CCSER1: variants seen among roughly 807,000 people sequenced by gnomAD.
CCSER1 encodes the protein serine-rich coiled-coil domain-containing protein 1.
A neutral mutation model predicts 82.0 loss-of-function variants in CCSER1; 41 were observed. The ratio of observed to expected loss-of-function variants is 0.50; its 90% CI spans 0.39 to 0.65. The LOEUF (loss-of-function observed/expected upper bound fraction) is 0.65, where lower values mean the gene tolerates loss of function less well. Ranked by LOEUF, CCSER1 falls within the 30% of genes least tolerant of loss-of-function variation. The pLI, the probability that CCSER1 is intolerant of heterozygous loss-of-function variation, is 0.00. For missense variants in CCSER1, 1,119 were observed against 1,064.2 expected, an observed-to-expected ratio of 1.05 and a Z score of -0.72; for synonymous variants, 414 against 383.9, an observed-to-expected ratio of 1.08 and a Z score of -0.92.
intron 10 of CCSER1, among the ~76,000 whole-genome samples, chr4:91,279,061 T>A (rs930390597): frequency 2.6e-5 from 4 of 151,992 alleles, no homozygotes; most frequent in Non-Finnish European, 5.9e-5. Context: ...CAGGTTTATT[T>A]TTTTTTTTTT....
At chr4:91,482,874 C>T (rs1010924712) in intron 10 of CCSER1, among the ~76,000 whole-genome samples, 6 of 151,928 alleles carry the variant, frequency 3.9e-5, no homozygotes, top group Admixed American at 1.3e-4. Context: ...TGTTCTCACT[C>T]ATAGGTGGGA....
chr4:91,343,200 C>T (rs976457024), intron 10 of CCSER1, among the ~76,000 whole-genome samples: 2 of 151,956 alleles, frequency 1.3e-5, no homozygotes, highest in African/African-American at 4.8e-5. Context: ...TTCTTATCCT[C>T]TATTTTAGAA....
intron 5 of CCSER1, among the ~76,000 whole-genome samples, chr4:90,487,376 T>TAA (rs138530131): frequency 0.016 from 2,423 of 152,338 alleles, 38 homozygotes; most frequent in African/African-American, 0.047. Flanking sequence ...AGAATATATA[T>TAA]GTCACTTTGA....
At chr4:91,491,343 T>C (rs1758531526) in intron 10 of CCSER1, among the ~76,000 whole-genome samples, 1 of 152,006 alleles carries the variant, frequency 6.6e-6, no homozygotes. Flanking sequence ...TAAACCTCTG[T>C]AAAATTAATA....
At chr4:90,454,398 C>G (rs1410455965) in intron 4 of CCSER1, among the ~76,000 whole-genome samples, 1 of 152,022 alleles carries the variant, frequency 6.6e-6, no homozygotes, top group African/African-American at 2.4e-5. Context: ...GTTCAGTTAT[C>G]CTTCAACTGA....
chr4:90,156,704 T>C (rs1430901498), intron 1 of CCSER1, among the ~76,000 whole-genome samples: 2 of 152,326 alleles, frequency 1.3e-5, no homozygotes, highest in Non-Finnish European at 1.5e-5. Flanking sequence ...ACCCCTGCCT[T>C]TTTTTGTTTT....
intron 5 of CCSER1, among the ~76,000 whole-genome samples, chr4:90,518,086 T>C (rs1409259692): frequency 6.6e-6 from 1 of 152,180 alleles, no homozygotes; most frequent in Non-Finnish European, 1.5e-5. Context: ...AATTAAATTA[T>C]AATTGACTAT....
intron 10 of CCSER1, among the ~76,000 whole-genome samples, chr4:91,280,858 G>T (rs1742863188): frequency 6.6e-6 from 1 of 152,150 alleles, no homozygotes; most frequent in Non-Finnish European, 1.5e-5. Flanking sequence ...ATGTGGAGAT[G>T]CAGGGACTGT....
intron 10 of CCSER1, among the ~76,000 whole-genome samples, chr4:91,334,021 AAAAAGCAGCTAAAGAG>A (rs1747140596): frequency 6.6e-6 from 1 of 152,126 alleles, no homozygotes; most frequent in Non-Finnish European, 1.5e-5. Context: ...GTATTTTACC[AAAAAGCAGCTAAAGAG>A]TTAAATTGAA....
chr4:90,513,911 T>G (rs1003544570), intron 5 of CCSER1, among the ~76,000 whole-genome samples: 1 of 152,072 alleles, frequency 6.6e-6, no homozygotes, highest in African/African-American at 2.4e-5. Flanking sequence ...CAGAATAATC[T>G]GAAAAATAAA....
In CCSER1 at chr4:90,544,896, G is replaced by A. The variant is rs371869998; in HGVS notation, c.1724+76542G>A. On this transcript the variant is annotated intron_variant, in intron 5 of 10. Coordinates refer to ENST00000509176, the MANE Select transcript of CCSER1 (RefSeq NM_001145065.2). ...CTTAGAATGTAAGCAGATCTCTCTGGGGAGGGGAACAAGATGTGTTTATTT... is the reference window on the plus strand; with the variant it reads ...CTTAGAATGTAAGCAGATCTCTCTGAGGAGGGGAACAAGATGTGTTTATTT... Among the ~76,000 whole-genome samples the A allele has an allele frequency of 7.2e-5, 11 of 152,162 alleles. No homozygotes were observed. The East Asian group carries it at 1.9e-3, about 27-fold the overall frequency.
chr4:91,217,641 C>T (rs1243135901), intron 10 of CCSER1, among the ~76,000 whole-genome samples: 2 of 152,206 alleles, frequency 1.3e-5, no homozygotes, highest in East Asian at 3.8e-4. Flanking sequence ...GGTGCACTCA[C>T]AAACCTTGAG....
intron 3 of CCSER1, among the ~76,000 whole-genome samples, chr4:90,325,316 T>G (rs992673677): frequency 3.9e-5 from 6 of 152,200 alleles, no homozygotes; most frequent in African/African-American, 1.2e-4. Context: ...GAAAATAATT[T>G]AAAAGGACAG....
intron 5 of CCSER1, among the ~76,000 whole-genome samples, chr4:90,536,376 G>A (rs1371113579): frequency 6.6e-6 from 1 of 152,156 alleles, no homozygotes; most frequent in East Asian, 1.9e-4. Flanking sequence ...TCTCCCTTTA[G>A]TGAGAGTTGC....
At chr4:90,772,281 C>T (rs1306828313) in intron 7 of CCSER1, among the ~76,000 whole-genome samples, 2 of 151,908 alleles carry the variant, frequency 1.3e-5, no homozygotes, top group Admixed American at 6.6e-5. Context: ...TATATTATGA[C>T]AATCATGTCA....
intron 5 of CCSER1, among the ~76,000 whole-genome samples, chr4:90,497,488 A>T (rs1334838243): frequency 6.6e-6 from 1 of 152,214 alleles, no homozygotes; most frequent in Admixed American, 6.5e-5. Context: ...ATAAAAACAC[A>T]TGTTTACAAT....
At chr4:91,324,246 ATTAT>A (rs1285415258) in intron 10 of CCSER1, among the ~76,000 whole-genome samples, 1 of 152,128 alleles carries the variant, frequency 6.6e-6, no homozygotes, top group Non-Finnish European at 1.5e-5. Flanking sequence ...TTATTCTTAT[ATTAT>A]TTAATAGGTT....
At chr4:90,869,211 C>T (rs961270745) in intron 8 of CCSER1, among the ~76,000 whole-genome samples, 1 of 151,746 alleles carries the variant, frequency 6.6e-6, no homozygotes, top group Non-Finnish European at 1.5e-5. Flanking sequence ...TGATGCGATC[C>T]CATTTGTCTA....
rs187789854 is a variant in CCSER1, at chr4:90,940,771, A to G, written c.2172+17324A>G. Among the ~76,000 whole-genome samples, 923 of 152,264 alleles carry G rather than the reference A, an allele frequency of 6.1e-3. 5 individuals are homozygous for G. Among genetic ancestry groups the G allele is most frequent in the Non-Finnish European group, 0.01 (700 of 67,964 alleles). ...TATAAGATTGAGCAAACTTGTCGTC[A>G]TCTTTCAAATAAAGAAACTAAAATT... On this transcript the variant is annotated intron_variant, in intron 9 of 10. Transcript: ENST00000509176.
Sources: allele counts gnomAD v4.1 joint callset (sites outside exome capture counted in the v4.1 genomes callset), GRCh38; gene constraint gnomAD v4.1.1; transcripts MANE v1.5; gene names NCBI Gene and HGNC (gene_info 2026-07-23, HGNC 2026-07-21).